The following MIPOL1 variants were observed in gnomAD, a reference collection of about 807,000 sequenced individuals.
MIPOL1 encodes the protein mirror-image polydactyly 1, also known as mirror-image polydactyly gene 1 protein.
Under a neutral mutation model 60.9 loss-of-function variants are expected in MIPOL1, and 57 were observed. The observed-to-expected ratio is 0.94, with a 90% confidence interval of 0.76 to 1.17. The LOEUF is 1.17. Ranked by LOEUF, MIPOL1 falls within the 50% of genes most tolerant of loss-of-function variation. The pLI is 0.00. For synonymous variants in MIPOL1, 179 were observed against 168.8 expected (o/e 1.06, Z -0.47); for missense variants, 551 against 511.6 (o/e 1.08, Z -0.74).
At chr14:37,292,977 C>T (rs1271806867) in intron 7 of MIPOL1, among the ~76,000 whole-genome samples, 3 of 152,056 alleles carry the variant, frequency 2.0e-5, no homozygotes, top group Non-Finnish European at 4.4e-5. Context: ...TGGTGCCAAG[C>T]ATTAAGGGTT....
chr14:37,279,377 C>G (rs2083916726), intron 6 of MIPOL1, among the ~76,000 whole-genome samples: 3 of 151,296 alleles, frequency 2.0e-5, no homozygotes, highest in Non-Finnish European at 1.5e-5. Context: ...GAGCAAATTC[C>G]AACTAAAATG....
intron 10 of MIPOL1, among the ~76,000 whole-genome samples, chr14:37,371,695 T>G (rs559780390): frequency 1.3e-5 from 2 of 152,312 alleles, no homozygotes; most frequent in South Asian, 2.1e-4. Context: ...ATTAATTTTA[T>G]GCCATATTTC....
intron 7 of MIPOL1, among the ~76,000 whole-genome samples, chr14:37,295,121 C>T (rs868205481): frequency 6.6e-5 from 10 of 152,180 alleles, no homozygotes; most frequent in Admixed American, 2.6e-4. Context: ...AGAAACTCTA[C>T]GAGCCAGCAG....
intron 9 of MIPOL1, among the ~76,000 whole-genome samples, chr14:37,316,827 A>C (rs2087959892): frequency 6.6e-6 from 1 of 151,998 alleles, no homozygotes; most frequent in Non-Finnish European, 1.5e-5. Context: ...AAAATACAAA[A>C]ATTAGCTGGG....
rs182208963 is a variant in MIPOL1, at chr14:37,430,170, A to T, written c.1031+7221A>T. Among the ~76,000 whole-genome samples, 9 of 152,256 alleles carry T rather than the reference A, an allele frequency of 5.9e-5. No individual in the cohort carries two copies. The East Asian group carries it at 1.7e-3, about 29-fold the overall frequency. On this transcript the variant is annotated intron_variant, in intron 11 of 12. Coordinates refer to ENST00000684589, the MANE Select transcript of MIPOL1 (RefSeq NM_001388067.1). ...CTGTGATTAAAAAGAACACAAGAAG[A>T]CTTGAATTACACTTCCATCTTTGGC...
intron 1 of MIPOL1, among the ~76,000 whole-genome samples, chr14:37,245,905 A>G (rs1177662291): frequency 5.3e-5 from 8 of 152,140 alleles, no homozygotes; most frequent in East Asian, 1.9e-4. Flanking sequence ...TAGTTAGTAT[A>G]TAAGTACATT....
At chr14:37,254,084 G>A (rs909966006) in intron 3 of MIPOL1, among the ~76,000 whole-genome samples, 1 of 151,758 alleles carries the variant, frequency 6.6e-6, no homozygotes, top group Non-Finnish European at 1.5e-5. Flanking sequence ...ATTTGAGAGA[G>A]TGGTTTTAGG....
At chr14:37,384,744 T>A (rs2093020445) in intron 10 of MIPOL1, among the ~76,000 whole-genome samples, 1 of 151,992 alleles carries the variant, frequency 6.6e-6, no homozygotes, top group Non-Finnish European at 1.5e-5. Context: ...TTTCTTTAGT[T>A]CTTATATTTA....
chr14:37,369,386 AC>A (rs1193693612), intron 9 of MIPOL1, 130 bp from the exon 10 acceptor site: 5 of 441,574 alleles, frequency 1.1e-5, no homozygotes, highest in Middle Eastern at 3.5e-4. Context: ...ACTTTTACTT[AC>A]CATTCTTGTT....
chr14:37,214,009 G>C (rs942871085), intron 1 of MIPOL1, among the ~76,000 whole-genome samples: 11 of 152,084 alleles, frequency 7.2e-5, no homozygotes, highest in African/African-American at 2.2e-4. Context: ...AGAAATAAAG[G>C]CTTTCCCAGA....
At chr14:37,360,781 T>C (rs1389824726) in intron 9 of MIPOL1, among the ~76,000 whole-genome samples, 1 of 152,202 alleles carries the variant, frequency 6.6e-6, no homozygotes, top group Non-Finnish European at 1.5e-5. Flanking sequence ...CCTGGATTCA[T>C]TGATTTTTTT....
At chr14:37,248,644 C>A (rs187868839) in intron 3 of MIPOL1, among the ~76,000 whole-genome samples, 138 of 151,578 alleles carry the variant, frequency 9.1e-4, no homozygotes, top group Admixed American at 1.9e-3. Context: ...ATATATATAT[C>A]TCTCTCTCTC....
chr14:37,527,073 A>G (rs930351070), intron 12 of MIPOL1, among the ~76,000 whole-genome samples: 1 of 152,072 alleles, frequency 6.6e-6, no homozygotes, highest in Non-Finnish European at 1.5e-5. Context: ...TGAACTGCCT[A>G]TTCCTGACCG....
intron 9 of MIPOL1, among the ~76,000 whole-genome samples, chr14:37,349,989 C>T (rs754096449): frequency 9.9e-5 from 15 of 151,938 alleles, no homozygotes; most frequent in Non-Finnish European, 2.1e-4. Context: ...TTTTTTAAAT[C>T]TGAATTATTA....
chr14:37,413,977 C>A (rs1474796681), intron 10 of MIPOL1, among the ~76,000 whole-genome samples: 1 of 152,036 alleles, frequency 6.6e-6, no homozygotes, highest in Non-Finnish European at 1.5e-5. Flanking sequence ...TAAAGGAAGA[C>A]CATAAATAGC....
chr14:37,445,375 G>A (rs1382565590), intron 11 of MIPOL1, among the ~76,000 whole-genome samples: 1 of 152,028 alleles, frequency 6.6e-6, no homozygotes, highest in African/African-American at 2.4e-5. Flanking sequence ...GGGACATGAA[G>A]GACCTCTTCA....
intron 9 of MIPOL1, among the ~76,000 whole-genome samples, chr14:37,358,560 T>C (rs2092007513): frequency 6.6e-6 from 1 of 152,180 alleles, no homozygotes; most frequent in Non-Finnish European, 1.5e-5. Context: ...CTCATTGTGG[T>C]TTTGATTTGC....
intron 12 of MIPOL1, among the ~76,000 whole-genome samples, chr14:37,500,933 A>G (rs2095206766): frequency 6.6e-6 from 1 of 152,202 alleles, no homozygotes; most frequent in African/African-American, 2.4e-5. Flanking sequence ...TCAAAGATAT[A>G]CCTTTTTCCT....
Position 37,549,292 on chromosome 14 carries a change from A to G in MIPOL1, c.*2321A>G, listed in dbSNP as rs2095555869. 6.6e-6 allele frequency: 1 copy of G among 151,944 alleles called. No homozygotes were observed. Among genetic ancestry groups the G allele is most frequent in the African/African-American group, 2.4e-5 (1 of 41,432 alleles). The allele number at this position is 151,944 out of a possible 1,614,324, so 9.4% of individuals were successfully genotyped here. A position where few individuals can be genotyped will look rare whatever the true frequency, so the allele number is the denominator to read the frequency against. The stretch of plus-strand genomic sequence containing the variant: ...TGTAAAAATAAGTAATTTACAGGAA[A>G]GGCAAAATGCTAATACTAACATTTG... On this transcript the variant is annotated 3_prime_UTR_variant, in exon 13 of 13. Transcript: ENST00000684589.
Sources: allele counts gnomAD v4.1 joint callset (sites outside exome capture counted in the v4.1 genomes callset), GRCh38; gene constraint gnomAD v4.1.1; transcripts MANE v1.5; gene names NCBI Gene and HGNC (gene_info 2026-07-23, HGNC 2026-07-21).